MARCHF1: variants seen among roughly 807,000 people sequenced by gnomAD.
The protein encoded by MARCHF1 is membrane associated ring-CH-type finger 1.
Under a neutral mutation model 54.2 loss-of-function variants are expected in MARCHF1, and 40 were observed. The observed-to-expected ratio is 0.74, with a 90% CI of 0.57 to 0.96. The LOEUF (loss-of-function observed/expected upper bound fraction) is 0.96. Ranked by LOEUF, MARCHF1 falls within the 40% of genes least tolerant of loss-of-function variation. The pLI is 0.00. For missense variants in MARCHF1, 586 were observed against 656.5 expected (o/e 0.89, Z 1.17); for synonymous variants, 236 against 236.3 (o/e 1.00, Z 0.01).
At chr4:164,149,541 G>A (rs997359570) in intron 1 of MARCHF1, among the ~76,000 whole-genome samples, 1 of 152,066 alleles carries the variant, frequency 6.6e-6, no homozygotes, top group South Asian at 2.1e-4. Context: ...GCTTTTCAGA[G>A]CTTTTCTTCT....
intron 3 of MARCHF1, among the ~76,000 whole-genome samples, chr4:163,911,768 A>C (rs1488077826): frequency 1.3e-5 from 2 of 152,298 alleles, no homozygotes; most frequent in Non-Finnish European, 2.9e-5. Context: ...ACTGATATGC[A>C]CAGAGGAAAA....
chr4:163,928,737 C>T (rs866705463), intron 3 of MARCHF1, among the ~76,000 whole-genome samples: 1 of 151,844 alleles, frequency 6.6e-6, no homozygotes, highest in Non-Finnish European at 1.5e-5. Flanking sequence ...TGTAAAGTAA[C>T]AATCAAGGAA....
intron 2 of MARCHF1, among the ~76,000 whole-genome samples, chr4:164,014,975 G>A (rs755622399): frequency 6.6e-6 from 1 of 152,076 alleles, no homozygotes; most frequent in Admixed American, 6.6e-5. Flanking sequence ...AGACCATCTT[G>A]ACAGAAAATC....
intron 1 of MARCHF1, among the ~76,000 whole-genome samples, chr4:164,285,860 A>G (rs572229025): frequency 6.6e-6 from 1 of 151,100 alleles, no homozygotes; most frequent in Admixed American, 6.6e-5. Context: ...TGAAGCCACA[A>G]ATTGTATGAA....
rs115753664 is a variant in MARCHF1 at position 164,315,641 on chromosome 4, C to T, written c.-323+68229G>A. On this transcript the variant is annotated intron_variant, in intron 1 of 9. Transcript: ENST00000514618. The stretch of plus-strand genomic sequence containing the variant: ...ACTTACTTTAGCTGCCCCAGGCCAG[C>T]TGATGACCTCTATCAGAAAGCTGAA... 2.4e-3 allele frequency among the ~76,000 whole-genome samples: 367 copies of T among 152,246 alleles called. 1 individual carries two copies. The highest frequency in any genetic ancestry group is 8.2e-3 in the African/African-American group (339 of 41,550).
chr4:164,309,509 C>T (rs1212993503), intron 1 of MARCHF1, among the ~76,000 whole-genome samples: 1 of 152,140 alleles, frequency 6.6e-6, no homozygotes, highest in African/African-American at 2.4e-5. Context: ...AGTCAGGGGG[C>T]TGAGTGCAAG....
intron 1 of MARCHF1, among the ~76,000 whole-genome samples, chr4:164,129,124 A>C (rs1756247624): frequency 6.6e-6 from 1 of 152,214 alleles, no homozygotes; most frequent in Non-Finnish European, 1.5e-5. Context: ...TGGAGAAATG[A>C]TGGAGAAGCT....
chr4:163,841,850 T>A (rs1749349580), intron 4 of MARCHF1, among the ~76,000 whole-genome samples: 1 of 152,144 alleles, frequency 6.6e-6, no homozygotes, highest in Non-Finnish European at 1.5e-5. Flanking sequence ...TTTATTCCTG[T>A]AGGCTGCATC....
chr4:163,558,573 G>A (rs1364399834), intron 8 of MARCHF1, among the ~76,000 whole-genome samples: 1 of 152,196 alleles, frequency 6.6e-6, no homozygotes, highest in Non-Finnish European at 1.5e-5. Flanking sequence ...ATCAACAGCT[G>A]AGGGACAGCC....
intron 1 of MARCHF1, among the ~76,000 whole-genome samples, chr4:164,378,405 GA>G (rs1190867732): frequency 6.6e-6 from 1 of 152,226 alleles, no homozygotes; most frequent in Non-Finnish European, 1.5e-5. Context: ...GCTAAAGCCT[GA>G]AGTTACACAT....
At chr4:163,553,447 C>T (rs1467402958) in intron 8 of MARCHF1, among the ~76,000 whole-genome samples, 7 of 152,118 alleles carry the variant, frequency 4.6e-5, no homozygotes, top group African/African-American at 7.2e-5. Flanking sequence ...ATATGTTTTT[C>T]GGAATACTGA....
chr4:164,137,328 T>C (rs1424450912), intron 1 of MARCHF1, among the ~76,000 whole-genome samples: 1 of 152,174 alleles, frequency 6.6e-6, no homozygotes, highest in Admixed American at 6.5e-5. Flanking sequence ...CTCCAGAATA[T>C]GTCAAAAGGA....
intron 3 of MARCHF1, among the ~76,000 whole-genome samples, chr4:163,915,576 A>G (rs1246689903): frequency 6.6e-6 from 1 of 152,188 alleles, no homozygotes; most frequent in African/African-American, 2.4e-5. Context: ...ATGTATCAAT[A>G]TAATCCCACT....
chr4:163,812,595 T>C (rs1748423536), intron 4 of MARCHF1, among the ~76,000 whole-genome samples: 2 of 152,210 alleles, frequency 1.3e-5, no homozygotes, highest in Middle Eastern at 3.4e-3. Flanking sequence ...CTGTCTCTTC[T>C]GAATTTACAA....
chr4:164,369,608 T>C (rs1479661226), intron 1 of MARCHF1, among the ~76,000 whole-genome samples: 1 of 152,182 alleles, frequency 6.6e-6, no homozygotes, highest in Non-Finnish European at 1.5e-5. Flanking sequence ...CATATGTACA[T>C]ATGTACTTAT....
intron 1 of MARCHF1, chr4:164,188,403 C>G (rs1463475006): frequency 3.8e-6 from 2 of 523,844 alleles, no homozygotes; most frequent in Admixed American, 2.7e-5. Flanking sequence ...TCCCTGGTGG[C>G]GGCGATGCTG....
intron 2 of MARCHF1, among the ~76,000 whole-genome samples, chr4:164,045,544 T>TAAAG (rs993055918): frequency 6.9e-4 from 77 of 111,680 alleles, no homozygotes; most frequent in Non-Finnish European, 1.4e-3. Context: ...AATAAATAAA[T>TAAAG]AAATAAAACC....
chr4:164,322,039 C>T (rs1735154341), intron 1 of MARCHF1, among the ~76,000 whole-genome samples: 1 of 151,886 alleles, frequency 6.6e-6, no homozygotes, highest in Non-Finnish European at 1.5e-5. Context: ...TGTCTCAGCC[C>T]AGGAATACAA....
chr4:164,083,490 A>C (rs1755140060), intron 2 of MARCHF1, among the ~76,000 whole-genome samples: 1 of 152,102 alleles, frequency 6.6e-6, no homozygotes, highest in African/African-American at 2.4e-5. Flanking sequence ...GCTTGGTCCC[A>C]ATTTTTTTTT....
Sources: allele counts gnomAD v4.1 joint callset (sites outside exome capture counted in the v4.1 genomes callset), GRCh38; gene constraint gnomAD v4.1.1; transcripts MANE v1.5; gene names NCBI Gene and HGNC (gene_info 2026-07-23, HGNC 2026-07-21).